The following ADNP variants were observed in gnomAD, a reference collection of about 807,000 sequenced individuals.
The protein encoded by ADNP is activity-dependent neuroprotector homeobox protein.
In ADNP, 4 loss-of-function variants were observed where a neutral mutation model predicts 84.9. That is an observed-to-expected ratio of 0.05 (90% CI 0.02 to 0.11). ADNP has a LOEUF of 0.11. Among genes scored for constraint, ADNP ranks in the 10% least tolerant of loss-of-function variants. The probability of loss-of-function intolerance (pLI) is 1.00; values close to 1 mark genes in which losing one functional copy is unlikely to be tolerated. For missense variants in ADNP, 1,132 were observed against 1,326.0 expected, an observed-to-expected ratio of 0.85 and a Z score of 2.27; for synonymous variants, 554 against 468.1, an observed-to-expected ratio of 1.18 and a Z score of -2.37.
chr20:50,895,862 C>T (rs1319450556), intron 5 of ADNP, among the ~76,000 whole-genome samples: 2 of 152,170 alleles, frequency 1.3e-5, no homozygotes, highest in Non-Finnish European at 2.9e-5. Flanking sequence ...ATAACCTCAG[C>T]TTGCTGTGGT....
Position 50,891,800 on chromosome 20 carries a change from A to G in ADNP, c.2914T>C (p.Ser972Pro). The G allele has an allele frequency of 6.2e-7, 1 of 1,614,166 alleles. No individual in the cohort carries two copies. Among genetic ancestry groups the G allele is most frequent in the Non-Finnish European group, 8.5e-7 (1 of 1,180,024 alleles). ...VVEWKDGASP[S>P]ESGPGSQQVS... Reference sequence around the variant, plus strand: ...TGTTGGGATCCAGGCCCACTCTCAGATGGAGAAGCACCGTCTTTCCACTCA... The same window carrying G: ...TGTTGGGATCCAGGCCCACTCTCAGGTGGAGAAGCACCGTCTTTCCACTCA... The change falls in exon 6 of 6, where the codon TCT becomes CCT. Residue 972 changes from serine to proline, a missense_variant. By Grantham distance (74) the Ser-to-Pro change is moderately conservative (BLOSUM62 -1). Coordinates refer to ENST00000621696, the MANE Select transcript of ADNP (RefSeq NM_001282531.3).
intron 2 of ADNP, among the ~76,000 whole-genome samples, chr20:50,924,852 T>C (rs1293633731): frequency 6.6e-6 from 1 of 152,258 alleles, no homozygotes; most frequent in Non-Finnish European, 1.5e-5. Flanking sequence ...ATGACTCTTT[T>C]AGATTACGTG....
intron 2 of ADNP, among the ~76,000 whole-genome samples, chr20:50,925,470 G>A (rs1252206462): frequency 6.6e-6 from 1 of 152,114 alleles, no homozygotes; most frequent in Non-Finnish European, 1.5e-5. Context: ...ACACTGAGAG[G>A]ATGAAGGAAC....
chr20:50,889,827 A>G lies in ADNP; in HGVS notation c.*1578T>C. On this transcript the variant is annotated 3_prime_UTR_variant, in exon 6 of 6. Coordinates refer to ENST00000621696, the MANE Select transcript of ADNP (RefSeq NM_001282531.3). The stretch of plus-strand genomic sequence containing the variant: ...AAATACCAGCTCCTTCCATCTTTAC[A>G]GCCCTGTCAGTGCTGTGCTCTTCAA... The G allele has an allele frequency of 2.5e-6, 1 of 398,580 alleles. No homozygotes were observed. The highest frequency in any genetic ancestry group is 4.4e-6 in the Non-Finnish European group (1 of 226,036). 24.7% of individuals were successfully genotyped at this position (398,580 alleles called of 1,614,324 possible).
chr20:50,893,069 T>G lies in ADNP; in HGVS notation c.1645A>C (p.Ser549Arg). 6.2e-7 allele frequency: 1 copy of G among 1,614,210 alleles called. No individual in the cohort carries two copies. Among genetic ancestry groups the G allele is most frequent in the Non-Finnish European group, 8.5e-7 (1 of 1,180,040 alleles). ...EMGPKTDSTLSFDLTLQQGSH... is the reference protein window; with the variant it reads ...EMGPKTDSTLRFDLTLQQGSH... ...CCCTGCTGCAATGTCAAATCAAAACTCAAAGTAGAATCTGTTTTAGGTCCC... is the reference window on the plus strand; with the variant it reads ...CCCTGCTGCAATGTCAAATCAAAACGCAAAGTAGAATCTGTTTTAGGTCCC... Residue 549 changes from serine (S) to arginine (R), a missense_variant, in exon 6 of 6, where the codon AGT becomes CGT. By Grantham distance (110) the Ser-to-Arg change is moderately radical. Coordinates refer to ENST00000621696, the MANE Select transcript of ADNP (RefSeq NM_001282531.3). The surrounding 1 kb of genome is among the most constrained non-coding windows in gnomAD (Gnocchi z 4.4).
Position 50,892,515 on chromosome 20 carries a change from A to C in ADNP, c.2199T>G (p.Asp733Glu). The change falls in exon 6 of 6, where the codon GAT becomes GAG. Residue 733 changes from aspartate (D) to glutamate (E), a missense_variant. Physicochemically the swap from Asp to Glu is conservative, Grantham distance 45. This residue lies in a region of ADNP where 101 missense variants were observed against 78.5 expected (regional missense o/e 1.29). Transcript: ENST00000621696. ...AGAAGCTGGGTGAATCACTATCATC[A>C]TCTAACTTTCGTTTTTTCAGTAAGG... ...EFPLLKKRKL[D>E]DDSDSPSFFE... The C allele has an allele frequency of 6.2e-7, 1 of 1,614,234 alleles. No homozygotes were observed. Among genetic ancestry groups the C allele is most frequent in the Non-Finnish European group, 8.5e-7 (1 of 1,180,046 alleles).
intron 2 of ADNP, among the ~76,000 whole-genome samples, chr20:50,907,696 C>T (rs1232083149): frequency 1.3e-5 from 2 of 152,172 alleles, no homozygotes; most frequent in African/African-American, 2.4e-5. Context: ...GATCTTCCCA[C>T]CTCAGCCCCA....
At chr20:50,924,065 T>C (rs190341448) in intron 2 of ADNP, among the ~76,000 whole-genome samples, 105 of 152,276 alleles carry the variant, frequency 6.9e-4, no homozygotes, top group East Asian at 1.2e-3. Context: ...GCTTTACAGA[T>C]TGTCAACTGA....
chr20:50,930,027 C>CAGGGATCA (rs1025514856), intron 1 of ADNP, among the ~76,000 whole-genome samples: 1 of 151,530 alleles, frequency 6.6e-6, no homozygotes, highest in African/African-American at 2.4e-5. Context: ...TTCCAGCAGA[C>CAGGGATCA]AGGGATCAAG....
intron 2 of ADNP, chr20:50,905,216 T>C (rs1462352140): frequency 3.9e-5 from 6 of 152,252 alleles, no homozygotes; most frequent in Non-Finnish European, 5.9e-5. Flanking sequence ...TGGTTTCTAA[T>C]GAGATCAGAA....
Position 50,892,770 on chromosome 20 carries a change from T to C in ADNP, c.1944A>G (p.Gln648=), listed in dbSNP as rs201258191. 7 of 1,614,232 alleles carry C rather than the reference T, an allele frequency of 4.3e-6. No homozygotes were observed. The highest frequency in any genetic ancestry group is 5.9e-6 in the Non-Finnish European group (7 of 1,180,042). The stretch of plus-strand genomic sequence containing the variant: ...CAACTGGATGAACCGTCTGAATAAC[T>C]TGGTGCCTCTCTCGTAAGTGATGTG... The part of the protein sequence containing the change: ...ALAHHLRERH[Q]VIQTVHPVEK... The change falls in exon 6 of 6, where the codon CAA becomes CAG. Residue 648 remains glutamine, a synonymous_variant. Transcript: ENST00000621696.
In ADNP at chr20:50,891,306, T is replaced by C. The variant is rs1417715309; in HGVS notation, c.*99A>G. The C allele has an allele frequency of 6.9e-7, 1 of 1,447,994 alleles. No homozygotes were observed. Among genetic ancestry groups the C allele is most frequent in the Non-Finnish European group, 9.0e-7 (1 of 1,107,134 alleles). 89.7% of individuals were successfully genotyped at this position (1,447,994 alleles called of 1,614,324 possible). A position where few individuals can be genotyped will look rare whatever the true frequency, so the allele number is the denominator to read the frequency against. ...GCCACATGCCCCACAGTCCAACCAG[T>C]ACTCACAAGGCAGTACCAGTGAGAA... On this transcript the variant is annotated 3_prime_UTR_variant, in exon 6 of 6. Transcript: ENST00000621696.
chr20:50,922,585 T>C (rs907549507), intron 2 of ADNP, among the ~76,000 whole-genome samples: 1 of 147,952 alleles, frequency 6.8e-6, no homozygotes, highest in East Asian at 2.0e-4. Flanking sequence ...TGCGTTTTTT[T>C]TTTTTTTTTT....
intron 2 of ADNP, among the ~76,000 whole-genome samples, chr20:50,923,795 G>C (rs1016454403): frequency 6.6e-6 from 1 of 152,202 alleles, no homozygotes; most frequent in African/African-American, 2.4e-5. Flanking sequence ...TGGGATTACA[G>C]ATGTAAGCCA....
intron 2 of ADNP, among the ~76,000 whole-genome samples, chr20:50,919,585 T>C (rs1167055009): frequency 6.6e-6 from 1 of 152,090 alleles, no homozygotes; most frequent in Non-Finnish European, 1.5e-5. Context: ...ATCCAATAAA[T>C]ATTTGCAGTA....
intron 2 of ADNP, among the ~76,000 whole-genome samples, chr20:50,906,332 G>GT (rs1982474007): frequency 6.6e-6 from 1 of 152,180 alleles, no homozygotes; most frequent in South Asian, 2.1e-4. Context: ...AAGAAACCAG[G>GT]TATTAAAATG....
intron 2 of ADNP, among the ~76,000 whole-genome samples, chr20:50,924,064 A>T (rs1197897767): frequency 6.6e-6 from 1 of 152,226 alleles, no homozygotes; most frequent in Non-Finnish European, 1.5e-5. Flanking sequence ...AGCTTTACAG[A>T]TTGTCAACTG....
chr20:50,893,683 C>T lies in ADNP; in HGVS notation c.1031G>A (p.Gly344Asp), dbSNP rs761702934. The T allele has an allele frequency of 3.1e-6, 5 of 1,614,006 alleles. No homozygotes were observed. Among genetic ancestry groups the T allele is most frequent in the Non-Finnish European group, 1.7e-6 (2 of 1,180,040 alleles). Reference sequence around the variant, plus strand: ...ACCTAGACCCAGTCTCATTGACTGACCAACACTGTAACCCTGGCCTACAGA... The same window carrying T: ...ACCTAGACCCAGTCTCATTGACTGATCAACACTGTAACCCTGGCCTACAGA... The part of the protein sequence containing the change: ...VKSVGQGYSV[G>D]QSMRLGLGGN... The change falls in exon 6 of 6, where the codon GGT becomes GAT. Residue 344 changes from glycine (G) to aspartate (D), a missense_variant. By Grantham distance (94) the Gly-to-Asp change is moderately conservative. This residue lies in a region of ADNP where 239 missense variants were observed against 213.2 expected (regional missense o/e 1.12). Coordinates refer to ENST00000621696, the MANE Select transcript of ADNP (RefSeq NM_001282531.3). The surrounding 1 kb of genome is among the most constrained non-coding windows in gnomAD (Gnocchi z 4.4).
At chr20:50,921,519 A>G (rs927799207) in intron 2 of ADNP, among the ~76,000 whole-genome samples, 3 of 152,224 alleles carry the variant, frequency 2.0e-5, no homozygotes, top group Non-Finnish European at 4.4e-5. Context: ...TTTTAGGAAG[A>G]TTTTCAGACT....
Sources: gnomAD v4.1 joint callset for allele counts (sites outside exome capture counted in the v4.1 genomes callset) on GRCh38, gnomAD v4.1.1 for gene constraint, gnomAD v4.1.1 regional missense constraint, Gnocchi (gnomAD v3.1) non-coding constraint, MANE v1.5 for transcripts, NCBI Gene and HGNC (gene_info 2026-07-23, HGNC 2026-07-21) for gene names.